CDK14: variants seen among roughly 807,000 people sequenced by gnomAD.
CDK14 encodes the protein cyclin-dependent kinase 14.
In CDK14, 34 loss-of-function variants were observed where a neutral mutation model predicts 60.7. The ratio of observed to expected loss-of-function variants is 0.56; its 90% CI spans 0.43 to 0.75. The LOEUF is 0.75. CDK14 is among the 30% of genes least tolerant of loss of function. The probability of loss-of-function intolerance (pLI) is 0.00; values close to 1 mark genes in which losing one functional copy is unlikely to be tolerated. For missense variants in CDK14, 482 were observed against 564.1 expected, an observed-to-expected ratio of 0.85 and a Z score of 1.47; for synonymous variants, 197 against 203.7, an observed-to-expected ratio of 0.97 and a Z score of 0.28.
chr7:90,634,486 T>G lies in CDK14; in HGVS notation c.123+30237T>G, dbSNP rs1240157928. Among the ~76,000 whole-genome samples the G allele has an allele frequency of 2.6e-5, 4 of 151,820 alleles. No homozygotes were observed. The East Asian group carries it at 7.7e-4, about 29-fold the overall frequency. ...CTCATCATTTTTTATGGCTGCATAGTATTCCATGGTGTATATGTGCCACAT... is the reference window on the plus strand; with the variant it reads ...CTCATCATTTTTTATGGCTGCATAGGATTCCATGGTGTATATGTGCCACAT... On this transcript the variant is annotated intron_variant, in intron 2 of 14. Coordinates refer to ENST00000380050, the MANE Select transcript of CDK14 (RefSeq NM_001287135.2).
intron 2 of CDK14, among the ~76,000 whole-genome samples, chr7:90,663,607 T>A (rs553233321): frequency 6.6e-6 from 1 of 152,232 alleles, no homozygotes; most frequent in Non-Finnish European, 1.5e-5. Flanking sequence ...AATATTTTGG[T>A]CATACTCTTC....
intron 12 of CDK14, among the ~76,000 whole-genome samples, chr7:91,087,719 A>G (rs764238595): frequency 2.2e-4 from 33 of 152,130 alleles, no homozygotes; most frequent in Non-Finnish European, 3.1e-4. Context: ...ACTCTTGAAC[A>G]TGGATACCAC....
chr7:90,931,470 C>T (rs1003388574), intron 8 of CDK14, among the ~76,000 whole-genome samples: 4 of 152,170 alleles, frequency 2.6e-5, no homozygotes, highest in African/African-American at 7.2e-5. Context: ...GATGTGATGT[C>T]AAACAAGGTG....
At chr7:90,707,735 T>C (rs188690938) in intron 2 of CDK14, among the ~76,000 whole-genome samples, 7 of 152,194 alleles carry the variant, frequency 4.6e-5, no homozygotes, top group Admixed American at 3.9e-4. Context: ...ATTCCCCAAA[T>C]GTCCTTCTTC....
At chr7:90,886,400 A>G (rs1265373764) in intron 6 of CDK14, among the ~76,000 whole-genome samples, 1 of 152,188 alleles carries the variant, frequency 6.6e-6, no homozygotes, top group Admixed American at 6.6e-5. Context: ...AATTTTCTCA[A>G]GTGATTTTTG....
chr7:91,096,386 C>T (rs1798992891), intron 12 of CDK14, among the ~76,000 whole-genome samples: 1 of 151,962 alleles, frequency 6.6e-6, no homozygotes, highest in Admixed American at 6.6e-5. Context: ...ACCTTTTTTG[C>T]CAACAGCCAT....
At chr7:91,057,929 C>T (rs1297670131) in intron 11 of CDK14, among the ~76,000 whole-genome samples, 1 of 151,942 alleles carries the variant, frequency 6.6e-6, no homozygotes, top group Non-Finnish European at 1.5e-5. Flanking sequence ...GTAGTTTTAT[C>T]CAATTCTGTG....
chr7:90,617,995 G>A (rs1799688843), intron 2 of CDK14, among the ~76,000 whole-genome samples: 1 of 152,168 alleles, frequency 6.6e-6, no homozygotes, highest in Non-Finnish European at 1.5e-5. Flanking sequence ...TTCAATGGGT[G>A]TAAATTGCCT....
intron 2 of CDK14, among the ~76,000 whole-genome samples, chr7:90,671,122 C>T (rs542830606): frequency 5.3e-5 from 8 of 152,024 alleles, no homozygotes; most frequent in Admixed American, 3.3e-4. Flanking sequence ...AGATGGCTCC[C>T]GTTTCCCACC....
intron 12 of CDK14, among the ~76,000 whole-genome samples, chr7:91,084,225 T>C (rs1029453844): frequency 3.9e-5 from 6 of 152,232 alleles, no homozygotes; most frequent in Admixed American, 3.3e-4. Context: ...CTTATCAATA[T>C]CTAATTTTAT....
intron 4 of CDK14, among the ~76,000 whole-genome samples, chr7:90,757,191 T>G (rs1804098927): frequency 6.6e-6 from 1 of 150,816 alleles, no homozygotes; most frequent in Non-Finnish European, 1.5e-5. Flanking sequence ...TGTTGCCTTC[T>G]CCACATGGCA....
intron 12 of CDK14, among the ~76,000 whole-genome samples, chr7:91,088,633 A>G (rs1798710758): frequency 6.6e-6 from 1 of 151,846 alleles, no homozygotes; most frequent in Non-Finnish European, 1.5e-5. Flanking sequence ...AAATGAATAG[A>G]AATATTAAAG....
chr7:90,920,449 T>C (rs1458437864), intron 8 of CDK14, among the ~76,000 whole-genome samples: 1 of 152,212 alleles, frequency 6.6e-6, no homozygotes, highest in Non-Finnish European at 1.5e-5. Context: ...TTAGAAATTC[T>C]TGCTTCATTG....
intron 2 of CDK14, among the ~76,000 whole-genome samples, chr7:90,652,270 A>G (rs1469039904): frequency 2.0e-5 from 3 of 152,244 alleles, no homozygotes; most frequent in Non-Finnish European, 4.4e-5. Context: ...TGAATTTTAC[A>G]TAAGGAGAAC....
chr7:91,148,640 T>G (rs542377156), intron 14 of CDK14, among the ~76,000 whole-genome samples: 1 of 152,116 alleles, frequency 6.6e-6, no homozygotes, highest in African/African-American at 2.4e-5. Context: ...TGGGGAGAGA[T>G]AGACAACAAT....
intron 2 of CDK14, among the ~76,000 whole-genome samples, chr7:90,613,874 G>T (rs1397500538): frequency 6.6e-6 from 1 of 151,950 alleles, no homozygotes; most frequent in Non-Finnish European, 1.5e-5. Flanking sequence ...GTTGTGATTG[G>T]GATGGCTTCT....
intron 6 of CDK14, among the ~76,000 whole-genome samples, chr7:90,892,279 C>G (rs1440176533): frequency 6.6e-6 from 1 of 152,150 alleles, no homozygotes; most frequent in African/African-American, 2.4e-5. Context: ...CTCTGTCCTC[C>G]TCTTTTAAAA....
At chr7:90,761,322 C>T (rs1340094918) in intron 4 of CDK14, among the ~76,000 whole-genome samples, 5 of 142,946 alleles carry the variant, frequency 3.5e-5, no homozygotes, top group South Asian at 2.3e-4. Context: ...AATGGAGGCA[C>T]TCTTTGGGGT....
At chr7:91,012,789 A>G (rs1026799273) in intron 10 of CDK14, among the ~76,000 whole-genome samples, 3 of 152,234 alleles carry the variant, frequency 2.0e-5, no homozygotes, top group Non-Finnish European at 1.5e-5. Context: ...ATGATGCTAG[A>G]TATATAGTAA....
Sources: allele counts gnomAD v4.1 joint callset (sites outside exome capture counted in the v4.1 genomes callset), GRCh38; gene constraint gnomAD v4.1.1; transcripts MANE v1.5; gene names NCBI Gene and HGNC (gene_info 2026-07-23, HGNC 2026-07-21).